Variants in LAPTM4B observed in about 807,000 individuals in gnomAD.
LAPTM4B encodes the protein lysosomal-associated transmembrane protein 4B.
A neutral mutation model predicts 28.5 loss-of-function variants in LAPTM4B; 26 were observed. That is an observed-to-expected ratio of 0.91 (90% CI 0.67 to 1.27). LAPTM4B has a LOEUF of 1.27. Among genes scored for constraint, LAPTM4B ranks in the 50% most tolerant of loss-of-function variants. The pLI is 0.00. For synonymous variants in LAPTM4B, 109 were observed against 106.4 expected, an observed-to-expected ratio of 1.02 and a Z score of -0.15; for missense variants, 288 against 285.8, an observed-to-expected ratio of 1.01 and a Z score of -0.06.
At chr8:97,796,649 T>A (rs971294768) in intron 1 of LAPTM4B, among the ~76,000 whole-genome samples, 1 of 152,174 alleles carries the variant, frequency 6.6e-6, no homozygotes, top group African/African-American at 2.4e-5. Context: ...GATAGAAATG[T>A]CCGGGCACGT....
chr8:97,831,707 T>C (rs1424150036), intron 6 of LAPTM4B, among the ~76,000 whole-genome samples: 1 of 152,004 alleles, frequency 6.6e-6, no homozygotes, highest in African/African-American at 2.4e-5. Flanking sequence ...AGAAGAAGAA[T>C]AGGTGGGAGT....
At chr8:97,837,435 C>T (rs1817279225) in intron 6 of LAPTM4B, among the ~76,000 whole-genome samples, 1 of 151,942 alleles carries the variant, frequency 6.6e-6, no homozygotes, top group Non-Finnish European at 1.5e-5. Context: ...TCAGGTGATC[C>T]ACCTGCCTTG....
chr8:97,839,528 G>T (rs554111543), intron 6 of LAPTM4B, among the ~76,000 whole-genome samples: 31 of 152,268 alleles, frequency 2.0e-4, no homozygotes, highest in African/African-American at 6.7e-4. Flanking sequence ...CGGTCTGCTG[G>T]AAATTATCTC....
At chr8:97,805,501 G>A in intron 2 of LAPTM4B, 37 bp downstream of exon 2, 1 of 1,082,928 alleles carries the variant, frequency 9.2e-7, no homozygotes, top group South Asian at 1.3e-5. Context: ...CAAGGGCAGG[G>A]AATCTGACTG....
intron 6 of LAPTM4B, among the ~76,000 whole-genome samples, chr8:97,846,053 C>G (rs1328836617): frequency 6.6e-6 from 1 of 151,022 alleles, no homozygotes. Flanking sequence ...CAGGGTCTTG[C>G]TATGTTGTCC....
chr8:97,830,399 G>A (rs1435839276), intron 6 of LAPTM4B, among the ~76,000 whole-genome samples: 1 of 152,170 alleles, frequency 6.6e-6, no homozygotes, highest in Non-Finnish European at 1.5e-5. Flanking sequence ...ACCAGGAGAT[G>A]TCAGTTACAA....
chr8:97,823,809 C>T (rs1267691981), intron 5 of LAPTM4B, among the ~76,000 whole-genome samples: 1 of 151,312 alleles, frequency 6.6e-6, no homozygotes, highest in East Asian at 1.9e-4. Flanking sequence ...GCAATTCTCC[C>T]GCCTCAGCCT....
chr8:97,806,739 C>A (rs1428361774), intron 2 of LAPTM4B, among the ~76,000 whole-genome samples: 1 of 152,114 alleles, frequency 6.6e-6, no homozygotes, highest in Non-Finnish European at 1.5e-5. Context: ...GGCAGATCAG[C>A]TGAGGCCAGG....
chr8:97,835,452 G>A (rs1168502264), intron 6 of LAPTM4B, among the ~76,000 whole-genome samples: 1 of 152,168 alleles, frequency 6.6e-6, no homozygotes, highest in African/African-American at 2.4e-5. Flanking sequence ...CACATACTTT[G>A]AAAGGAATGC....
At position 97,775,829 on chromosome 8, in the gene LAPTM4B, C is replaced by T. The variant is rs775484108; in HGVS notation, c.-181C>T. ...CGGTCGCCTTCGGAGCGAAGGGTAC[C>T]GACCCGGCAGAAGCTCGGAGCTCTC... On this transcript the variant is annotated 5_prime_UTR_variant, in exon 1 of 7. Transcript: ENST00000521545. 10 of 1,553,632 alleles carry T rather than the reference C, an allele frequency of 6.4e-6. No homozygotes were observed. In the African/African-American group the frequency reaches 1.2e-4, roughly 19 times the overall value.
chr8:97,793,611 C>T (rs140757929), intron 1 of LAPTM4B, among the ~76,000 whole-genome samples: 4 of 152,098 alleles, frequency 2.6e-5, no homozygotes, highest in Non-Finnish European at 4.4e-5. Context: ...GACACTTCAG[C>T]GATAGAGAAT....
At chr8:97,830,361 G>T (rs1032672350) in intron 6 of LAPTM4B, among the ~76,000 whole-genome samples, 1 of 152,158 alleles carries the variant, frequency 6.6e-6, no homozygotes, top group Non-Finnish European at 1.5e-5. Flanking sequence ...CTCTAGGAGA[G>T]AGTTAAGGGT....
At chr8:97,808,990 CA>C (rs1816792051) in intron 2 of LAPTM4B, among the ~76,000 whole-genome samples, 1 of 151,660 alleles carries the variant, frequency 6.6e-6, no homozygotes, top group South Asian at 2.1e-4. Context: ...AAAGTAATTA[CA>C]AACTATTCAT....
chr8:97,838,496 C>T (rs1281732428), intron 6 of LAPTM4B, among the ~76,000 whole-genome samples: 1 of 152,290 alleles, frequency 6.6e-6, no homozygotes, highest in East Asian at 1.9e-4. Context: ...GTACTAGGTC[C>T]TATTAATTCC....
chr8:97,826,010 G>A (rs902161682), intron 6 of LAPTM4B, among the ~76,000 whole-genome samples: 1 of 152,106 alleles, frequency 6.6e-6, no homozygotes, highest in African/African-American at 2.4e-5. Context: ...TGTGTTTTTG[G>A]TTTTTTAGTT....
chr8:97,814,943 C>T (rs943622272), intron 2 of LAPTM4B, among the ~76,000 whole-genome samples: 3 of 152,144 alleles, frequency 2.0e-5, no homozygotes, highest in African/African-American at 2.4e-5. Context: ...TCGCCCTCCT[C>T]GGCCTCCCAA....
At chr8:97,825,676 C>A (rs1817080985) in intron 6 of LAPTM4B, among the ~76,000 whole-genome samples, 2 of 152,182 alleles carry the variant, frequency 1.3e-5, no homozygotes, top group Non-Finnish European at 2.9e-5. Flanking sequence ...AAATTGCAAA[C>A]CTGTCATAAA....
At chr8:97,787,283 CTTTCTTTT>C (rs1428639550) in intron 1 of LAPTM4B, among the ~76,000 whole-genome samples, 1 of 119,774 alleles carries the variant, frequency 8.3e-6, no homozygotes, top group Admixed American at 1.1e-4. Context: ...GGAGATGTTT[CTTTCTTTT>C]TTTTTTTTTT....
intron 6 of LAPTM4B, among the ~76,000 whole-genome samples, chr8:97,832,264 C>A (rs947842438): frequency 3.3e-5 from 5 of 152,144 alleles, no homozygotes; most frequent in African/African-American, 1.2e-4. Flanking sequence ...TTCAACTGCA[C>A]GTTCCCACCT....
Sources: gnomAD v4.1 joint callset for allele counts (sites outside exome capture counted in the v4.1 genomes callset) on GRCh38, gnomAD v4.1.1 for gene constraint, MANE v1.5 for transcripts, NCBI Gene and HGNC (gene_info 2026-07-23, HGNC 2026-07-21) for gene names.